SCAMP5: variants seen among roughly 807,000 people sequenced by gnomAD.
The protein encoded by SCAMP5 is secretory carrier-associated membrane protein 5.
A neutral mutation model predicts 28.3 loss-of-function variants in SCAMP5; 7 were observed. That is an observed-to-expected ratio of 0.25 (90% CI 0.14 to 0.46). SCAMP5 has a LOEUF of 0.46. Among genes scored for constraint, SCAMP5 ranks in the 20% least tolerant of loss-of-function variants. The pLI is 0.99. For missense variants in SCAMP5, 192 were observed against 312.5 expected (o/e 0.61, Z 2.91); for synonymous variants, 117 against 116.4 (o/e 1.00, Z -0.03).
Position 75,018,294 on chromosome 15 carries a change from A to ATG in SCAMP5, c.396-123_396-122dup. On this transcript the variant is annotated intron_variant, in intron 5 of 6. Coordinates refer to ENST00000425597, the MANE Select transcript of SCAMP5 (RefSeq NM_138967.4). The surrounding 1 kb of genome is among the most constrained non-coding windows in gnomAD (Gnocchi z 5.6). The stretch of plus-strand genomic sequence containing the variant: ...CACAGGTTCTTTGGGTATCAGTAAG[A>ATG]TGGTCCCTCTGCATCCAGTGATATG... The ATG allele has an allele frequency of 1.3e-6, 1 of 743,870 alleles. No homozygotes were observed. Among genetic ancestry groups the ATG allele is most frequent in the Non-Finnish European group, 2.5e-6 (1 of 405,586 alleles). 46.1% of individuals were successfully genotyped at this position (743,870 alleles called of 1,614,324 possible). A position where few individuals can be genotyped will look rare whatever the true frequency, so the allele number is the denominator to read the frequency against.
chr15:75,013,717 A>G (rs143728929), intron 3 of SCAMP5, among the ~76,000 whole-genome samples: 163 of 152,160 alleles, frequency 1.1e-3, no homozygotes, highest in Non-Finnish European at 2.0e-3. Context: ...AGTCCTAGCT[A>G]CTCAGGGGAC....
At chr15:75,013,671 T>TA (rs1028827253) in intron 3 of SCAMP5, among the ~76,000 whole-genome samples, 3 of 151,860 alleles carry the variant, frequency 2.0e-5, no homozygotes, top group Non-Finnish European at 4.4e-5. Flanking sequence ...CCCATCTCTT[T>TA]AAAAAAACTA....
chr15:75,002,443 A>C (rs79102022), intron 1 of SCAMP5, among the ~76,000 whole-genome samples: 3,467 of 151,702 alleles, frequency 0.023, 120 homozygotes, highest in African/African-American at 0.079. Flanking sequence ...CTACCCCCAT[A>C]TCCTACCCAG....
chr15:75,001,163 A>T (rs1274111223), intron 1 of SCAMP5, among the ~76,000 whole-genome samples: 1 of 148,206 alleles, frequency 6.7e-6, no homozygotes, highest in Non-Finnish European at 1.5e-5. Flanking sequence ...AGTCCCAGCT[A>T]CTCGGGAGGC....
intron 3 of SCAMP5, among the ~76,000 whole-genome samples, chr15:75,014,673 A>G (rs575958387): frequency 1.3e-4 from 20 of 152,316 alleles, no homozygotes; most frequent in African/African-American, 4.6e-4. Context: ...GTAATGAATT[A>G]TGGAATCTAA....
intron 3 of SCAMP5, among the ~76,000 whole-genome samples, chr15:75,014,083 G>A (rs1306694073): frequency 6.6e-6 from 1 of 152,298 alleles, no homozygotes; most frequent in African/African-American, 2.4e-5. Context: ...TACCCGCAAT[G>A]TAACTGCAGT....
rs2065897209 is a variant in SCAMP5 at position 75,020,607 on chromosome 15, A to G, written c.*1624A>G. ...AGGCCCGTGGGGCTGTTCTGTTCCAAGCAGTGTGAGAACATGGCTGGTAGA... is the reference window on the plus strand; with the variant it reads ...AGGCCCGTGGGGCTGTTCTGTTCCAGGCAGTGTGAGAACATGGCTGGTAGA... On this transcript the variant is annotated 3_prime_UTR_variant, in exon 7 of 7. Transcript: ENST00000425597. The G allele has an allele frequency of 6.6e-6, 1 of 152,262 alleles. No homozygotes were observed. The highest frequency in any genetic ancestry group is 1.5e-5 in the Non-Finnish European group (1 of 68,114). 9.4% of individuals were successfully genotyped at this position (152,262 alleles called of 1,614,324 possible).
intron 1 of SCAMP5, among the ~76,000 whole-genome samples, chr15:75,001,869 CAAAAAAAA>C (rs769760180): frequency 1.1e-3 from 46 of 40,456 alleles, no homozygotes; most frequent in Middle Eastern, 0.011. Context: ...GACTCGGTCT[CAAAAAAAA>C]AAAAAAAAAA....
chr15:74,998,377 G>C (rs932121359), intron 1 of SCAMP5, among the ~76,000 whole-genome samples: 3 of 152,088 alleles, frequency 2.0e-5, no homozygotes, highest in African/African-American at 4.8e-5. Flanking sequence ...AGGCCGAGGC[G>C]GGTGGATCAC....
intron 4 of SCAMP5, 57 bp downstream of exon 4, chr15:75,016,806 C>T: frequency 1.5e-6 from 2 of 1,372,930 alleles, no homozygotes; most frequent in South Asian, 2.6e-5. Flanking sequence ...TCCCCTGTCT[C>T]TTCTCCATAT....
rs2065652678 is a variant in SCAMP5 at position 74,996,250 on chromosome 15, G to A, written c.-49+577G>A. The stretch of plus-strand genomic sequence containing the variant: ...AGGCCACCAGGCGGGCTCCATCAGG[G>A]CTTTGGGTGGTGAGTTGGGGGCGCC... On this transcript the variant is annotated intron_variant, in intron 1 of 6. Transcript: ENST00000425597. The surrounding 1 kb of genome is among the most constrained non-coding windows in gnomAD (Gnocchi z 4.1). 2 of 152,658 alleles carry A rather than the reference G, an allele frequency of 1.3e-5. No homozygotes were observed. Among genetic ancestry groups the A allele is most frequent in the Admixed American group, 6.5e-5 (1 of 15,292 alleles). The allele number at this position is 152,658 out of a possible 1,614,324, so 9.5% of individuals were successfully genotyped here.
intron 1 of SCAMP5, among the ~76,000 whole-genome samples, chr15:75,008,543 A>C (rs1231590998): frequency 6.9e-6 from 1 of 144,846 alleles, no homozygotes; most frequent in Non-Finnish European, 1.5e-5. Context: ...TCTGTCACCC[A>C]GGCTGGAGTG....
At chr15:75,010,776 T>C (rs1486260567) in intron 1 of SCAMP5, among the ~76,000 whole-genome samples, 1 of 149,978 alleles carries the variant, frequency 6.7e-6, no homozygotes, top group African/African-American at 2.5e-5. Context: ...TGAGACCCTG[T>C]CTAAGAAAAA....
intron 1 of SCAMP5, among the ~76,000 whole-genome samples, chr15:75,003,713 G>A (rs2065730287): frequency 6.6e-6 from 1 of 152,116 alleles, no homozygotes; most frequent in South Asian, 2.1e-4. Flanking sequence ...GGGAAGCTGA[G>A]GTGGGAGGAT....
rs1159326602 is a variant in SCAMP5 at position 75,019,014 on chromosome 15, G to A, written c.*31G>A. On this transcript the variant is annotated 3_prime_UTR_variant, in exon 7 of 7. Coordinates refer to ENST00000425597, the MANE Select transcript of SCAMP5 (RefSeq NM_138967.4). ...CCACGCCTACCAGGTGGCAGAGCTGGGGCCATTGGGACAGGGGGCTCAAGC... is the reference window on the plus strand; with the variant it reads ...CCACGCCTACCAGGTGGCAGAGCTGAGGCCATTGGGACAGGGGGCTCAAGC... 1 of 1,447,346 alleles carries A rather than the reference G, an allele frequency of 6.9e-7. No individual in the cohort carries two copies. The highest frequency in any genetic ancestry group is 9.2e-7 in the Non-Finnish European group (1 of 1,088,962). 89.7% of individuals were successfully genotyped at this position (1,447,346 alleles called of 1,614,324 possible). A position where few individuals can be genotyped will look rare whatever the true frequency, so the allele number is the denominator to read the frequency against.
chr15:75,016,598 A>T lies in SCAMP5; in HGVS notation c.142A>T (p.Ser48Cys). 6.2e-7 allele frequency: 1 copy of T among 1,612,434 alleles called. No homozygotes were observed. Residue 48 changes from serine (S) to cysteine (C), a missense_variant, in exon 4 of 7, where the codon AGC becomes TGC. Physicochemically the swap from Ser to Cys is moderately radical, Grantham distance 112. Coordinates refer to ENST00000425597, the MANE Select transcript of SCAMP5 (RefSeq NM_138967.4). ...ATGTGCTCCTGGGCCTGCAGTGAACAGCGTCACGCTGGCCGTGAACCTGGT... is the reference window on the plus strand; with the variant it reads ...ATGTGCTCCTGGGCCTGCAGTGAACTGCGTCACGCTGGCCGTGAACCTGGT... ...KRLYYLWMLN[S>C]VTLAVNLVGC...
At chr15:75,005,401 G>A (rs1353740578) in intron 1 of SCAMP5, among the ~76,000 whole-genome samples, 2 of 151,712 alleles carry the variant, frequency 1.3e-5, no homozygotes, top group South Asian at 2.1e-4. Flanking sequence ...CGGAGGTTGC[G>A]GCGAGCCACG....
chr15:75,012,932 G>A lies in SCAMP5; in HGVS notation c.136+127G>A, dbSNP rs2065825795. 6.9e-6 allele frequency: 6 copies of A among 868,356 alleles called. No individual in the cohort carries two copies. The South Asian group carries it at 8.2e-5, about 12-fold the overall frequency. 53.8% of individuals were successfully genotyped at this position (868,356 alleles called of 1,614,324 possible). A position where few individuals can be genotyped will look rare whatever the true frequency, so the allele number is the denominator to read the frequency against. ...TCAGTCCCACTTGTGGCATATGCATGGACCATAAGTCTTCCCCTGCCAGGC... is the reference window on the plus strand; with the variant it reads ...TCAGTCCCACTTGTGGCATATGCATAGACCATAAGTCTTCCCCTGCCAGGC... On this transcript the variant is annotated intron_variant, in intron 3 of 6. Transcript: ENST00000425597.
intron 3 of SCAMP5, among the ~76,000 whole-genome samples, chr15:75,015,332 G>C (rs576398474): frequency 6.6e-5 from 10 of 152,104 alleles, no homozygotes; most frequent in African/African-American, 2.4e-4. Context: ...ATGATGTGCT[G>C]CACAGACCCG....
Sources: gnomAD v4.1 joint callset for allele counts (sites outside exome capture counted in the v4.1 genomes callset) on GRCh38, gnomAD v4.1.1 for gene constraint, Gnocchi (gnomAD v3.1) non-coding constraint, MANE v1.5 for transcripts, NCBI Gene and HGNC (gene_info 2026-07-23, HGNC 2026-07-21) for gene names.